The following RPSA2 variants were observed in gnomAD, a reference collection of about 807,000 sequenced individuals.
RPSA2 encodes the protein ribosomal protein SA 2.
chr19:23,827,885 C>T, the RPSA2 span: 28 of 962,518 alleles, frequency 2.9e-5, no homozygotes, highest in Non-Finnish European at 4.4e-5. Context: ...CACTGCTACT[C>T]AGCCTGAGGT....
At chr19:23,849,794 T>C in the RPSA2 span, among the ~76,000 whole-genome samples, 1 of 152,330 alleles carries the variant, frequency 6.6e-6, no homozygotes, top group East Asian at 1.9e-4. Flanking sequence ...TTTTTTTTAA[T>C]ACTACTGCAT....
At chr19:23,800,623 T>C in the RPSA2 span, among the ~76,000 whole-genome samples, 1 of 152,012 alleles carries the variant, frequency 6.6e-6, no homozygotes, top group African/African-American at 2.4e-5. Context: ...AACTTTTTTT[T>C]TTTTTCTTAG....
the RPSA2 span, among the ~76,000 whole-genome samples, chr19:23,829,004 A>AT: frequency 6.6e-6 from 1 of 151,514 alleles, no homozygotes; most frequent in African/African-American, 2.4e-5. Context: ...TGAATCTATT[A>AT]TTTTTTGATG....
chr19:23,855,144 C>G, the RPSA2 span, among the ~76,000 whole-genome samples: 10 of 152,136 alleles, frequency 6.6e-5, no homozygotes, highest in African/African-American at 2.4e-4. Context: ...ATGGTGAAAG[C>G]ATCAAAACTT....
the RPSA2 span, among the ~76,000 whole-genome samples, chr19:23,774,508 G>T: frequency 0.98 from 148,826 of 152,154 alleles, 72,878 homozygotes; most frequent in Middle Eastern, 1. Context: ...TGTTTTGCCT[G>T]GGCCTGGACC....
At chr19:23,858,009 A>T in the RPSA2 span, among the ~76,000 whole-genome samples, 1 of 151,744 alleles carries the variant, frequency 6.6e-6, no homozygotes, top group Non-Finnish European at 1.5e-5. Context: ...TTTAAATTGA[A>T]GTTACTATCA....
chr19:23,808,631 CTA>C, the RPSA2 span: 1 of 352,352 alleles, frequency 2.8e-6, no homozygotes, highest in Non-Finnish European at 5.6e-6. Flanking sequence ...TTAGAATATT[CTA>C]TTATATCCTC....
the RPSA2 span, among the ~76,000 whole-genome samples, chr19:23,844,718 T>C: frequency 6.6e-6 from 1 of 151,630 alleles, no homozygotes; most frequent in Non-Finnish European, 1.5e-5. Flanking sequence ...ATAATAATAA[T>C]ATAATAACAA....
the RPSA2 span, among the ~76,000 whole-genome samples, chr19:23,820,930 C>T: frequency 1.5e-4 from 23 of 152,276 alleles, no homozygotes; most frequent in African/African-American, 5.1e-4. Context: ...TACTCGATAT[C>T]TGGGTCCCTG....
At chr19:23,798,558 C>A in the RPSA2 span, among the ~76,000 whole-genome samples, 1 of 152,008 alleles carries the variant, frequency 6.6e-6, no homozygotes, top group Admixed American at 6.6e-5. Flanking sequence ...GTGATTCATA[C>A]TTTTGAAATG....
the RPSA2 span, among the ~76,000 whole-genome samples, chr19:23,839,585 C>G: frequency 6.6e-6 from 1 of 152,218 alleles, no homozygotes; most frequent in African/African-American, 2.4e-5. Flanking sequence ...GTGAAGTGTT[C>G]AAGCCAGAGT....
At chr19:23,850,116 G>A in the RPSA2 span, among the ~76,000 whole-genome samples, 1 of 151,660 alleles carries the variant, frequency 6.6e-6, no homozygotes, top group Non-Finnish European at 1.5e-5. Context: ...TCCTGGTTGA[G>A]TGGGGCAATG....
At chr19:23,809,229 AT>A in the RPSA2 span, 2 of 151,858 alleles carry the variant, frequency 1.3e-5, no homozygotes, top group African/African-American at 2.4e-5. Flanking sequence ...TTTCTTGTTC[AT>A]TTTTTCTGCA....
the RPSA2 span, among the ~76,000 whole-genome samples, chr19:23,825,456 G>C: frequency 6.6e-6 from 1 of 152,040 alleles, no homozygotes; most frequent in Non-Finnish European, 1.5e-5. Flanking sequence ...TTTTCCAATA[G>C]AATTATCTCT....
At chr19:23,862,508 G>A in the RPSA2 span, among the ~76,000 whole-genome samples, 3 of 151,868 alleles carry the variant, frequency 2.0e-5, no homozygotes, top group Admixed American at 6.6e-5. Flanking sequence ...GATATTGGCT[G>A]TGGGTTTGTC....
chr19:23,807,348 G>A, the RPSA2 span, among the ~76,000 whole-genome samples: 5 of 152,156 alleles, frequency 3.3e-5, no homozygotes, highest in Admixed American at 6.5e-5. Flanking sequence ...TAGAGATTCA[G>A]TAACTCAGAC....
At chr19:23,857,766 A>T in the RPSA2 span, among the ~76,000 whole-genome samples, 3 of 151,958 alleles carry the variant, frequency 2.0e-5, no homozygotes, top group African/African-American at 7.3e-5. Context: ...AAGTGCTGGG[A>T]TTGCAGGAGT....
chr19:23,790,440 C>A, the RPSA2 span, among the ~76,000 whole-genome samples: 2 of 152,098 alleles, frequency 1.3e-5, no homozygotes, highest in African/African-American at 2.4e-5. Context: ...GGGAGGAAGT[C>A]CTCCCTGAAA....
At chr19:23,767,591 G>A in the RPSA2 span, among the ~76,000 whole-genome samples, 2 of 152,128 alleles carry the variant, frequency 1.3e-5, no homozygotes, top group Admixed American at 6.5e-5. Flanking sequence ...AGTGTCTCCT[G>A]GGAAGGTGGT....
Sources: gnomAD v4.1 joint callset for allele counts (sites outside exome capture counted in the v4.1 genomes callset) on GRCh38, gnomAD v4.1.1 for gene constraint, MANE v1.5 for transcripts, NCBI Gene and HGNC (gene_info 2026-07-23, HGNC 2026-07-21) for gene names.